Variants in LAT observed in about 807,000 individuals in gnomAD.
LAT encodes linker for activation of T cells.
LAT carries 12 observed loss-of-function variants against 39.1 expected under a neutral mutation model. The observed-to-expected ratio is 0.31, with a 90% confidence interval of 0.20 to 0.50. LAT has a LOEUF of 0.50. Ranked by LOEUF, LAT falls within the 20% of genes least tolerant of loss-of-function variation. The pLI is 0.98. For synonymous variants in LAT, 117 were observed against 123.8 expected (o/e 0.95, Z 0.36); for missense variants, 253 against 308.0 (o/e 0.82, Z 1.34).
chr16:28,987,607 C>T (rs1175208788), intron 8 of LAT: 4 of 152,420 alleles, frequency 2.6e-5, no homozygotes, highest in African/African-American at 9.7e-5. Context: ...ATATACTTGT[C>T]CTGGGCTATC....
In LAT at chr16:28,985,394, A is replaced by C; in HGVS notation, c.-24A>C. On this transcript the variant is annotated 5_prime_UTR_variant, in exon 1 of 12. Transcript: ENST00000395456. This position sits in a 1 kb window ranked among gnomAD's most constrained non-coding sequence, Gnocchi z 4.6. Reference sequence around the variant, plus strand: ...CCTTGAGGGGCCTAGGGGTGCAGCCAGCCTGCTCCGAGCTCCCCTGCAGAT... The same window carrying C: ...CCTTGAGGGGCCTAGGGGTGCAGCCCGCCTGCTCCGAGCTCCCCTGCAGAT... 6.2e-7 allele frequency: 1 copy of C among 1,612,748 alleles called. No homozygotes were observed. Among genetic ancestry groups the C allele is most frequent in the Non-Finnish European group, 8.5e-7 (1 of 1,179,778 alleles).
Position 28,986,093 on chromosome 16 carries a change from G to A in LAT, c.164-42G>A, listed in dbSNP as rs764217769. The A allele has an allele frequency of 1.6e-5, 24 of 1,517,134 alleles. No homozygotes were observed. Among genetic ancestry groups the A allele is most frequent in the Middle Eastern group, 1.7e-4 (1 of 5,720 alleles). 94.0% of individuals were successfully genotyped at this position (1,517,134 alleles called of 1,614,324 possible). A position where few individuals can be genotyped will look rare whatever the true frequency, so the allele number is the denominator to read the frequency against. ...TTAGTCTGTTCTTTGAGGCCTTGACGATGTCCGGAGTCCTTCTTTCAACTT... is the reference window on the plus strand; with the variant it reads ...TTAGTCTGTTCTTTGAGGCCTTGACAATGTCCGGAGTCCTTCTTTCAACTT... On this transcript the variant is annotated intron_variant, in intron 3 of 11. Transcript: ENST00000395456. This position sits in a 1 kb window ranked among gnomAD's most constrained non-coding sequence, Gnocchi z 5.7.
rs367684485 is a variant in LAT at position 28,985,396 on chromosome 16, C to T, written c.-22C>T. 3.0e-4 allele frequency: 476 copies of T among 1,612,758 alleles called. 5 individuals carry two copies. The South Asian group carries it at 4.9e-3, about 17-fold the overall frequency. ...TTGAGGGGCCTAGGGGTGCAGCCAGCCTGCTCCGAGCTCCCCTGCAGATGG... is the reference window on the plus strand; with the variant it reads ...TTGAGGGGCCTAGGGGTGCAGCCAGTCTGCTCCGAGCTCCCCTGCAGATGG... On this transcript the variant is annotated 5_prime_UTR_variant, in exon 1 of 12. Coordinates refer to ENST00000395456, the MANE Select transcript of LAT (RefSeq NM_001014987.2). The surrounding 1 kb of genome is among the most constrained non-coding windows in gnomAD (Gnocchi z 4.6).
At chr16:28,989,203 G>T in intron 8 of LAT, 1 of 275,114 alleles carries the variant, frequency 3.6e-6, no homozygotes, top group Non-Finnish European at 6.8e-6. Flanking sequence ...GCTCCGAGCC[G>T]CACTACATCC....
At chr16:28,985,042 G>A (rs1042921394), upstream of LAT, 23 of 1,427,430 alleles carry the variant, frequency 1.6e-5, no homozygotes, top group African/African-American at 2.9e-5. This position sits in a 1 kb window ranked among gnomAD's most constrained non-coding sequence, Gnocchi z 4.6. Flanking sequence ...GCCCTCGCCC[G>A]GCGCTCACCA....
At position 28,985,795 on chromosome 16, in the gene LAT, G is replaced by A; in HGVS notation, c.128+55G>A. Reference sequence around the variant, plus strand: ...CCTCCACACCCCATGGCGGGGCAGGGCTGGGGCTTCCATCCTCCATCTTCC... The same window carrying A: ...CCTCCACACCCCATGGCGGGGCAGGACTGGGGCTTCCATCCTCCATCTTCC... On this transcript the variant is annotated intron_variant, in intron 2 of 11. Transcript: ENST00000395456. This position sits in a 1 kb window ranked among gnomAD's most constrained non-coding sequence, Gnocchi z 4.6. The A allele has an allele frequency of 6.2e-7, 1 of 1,613,876 alleles. No homozygotes were observed. The highest frequency in any genetic ancestry group is 1.3e-5 in the African/African-American group (1 of 75,050).
rs115596085 is a variant in LAT at position 28,985,823 on chromosome 16, C to T, written c.129-31C>T. The T allele has an allele frequency of 1.1e-3, 1,720 of 1,614,068 alleles. 15 individuals carry two copies. In the African/African-American group the frequency reaches 0.021, roughly 20 times the overall value. On this transcript the variant is annotated intron_variant, in intron 2 of 11. Coordinates refer to ENST00000395456, the MANE Select transcript of LAT (RefSeq NM_001014987.2). The surrounding 1 kb of genome is among the most constrained non-coding windows in gnomAD (Gnocchi z 4.6). ...GGGGCTTCCATCCTCCATCTTCCAG[C>T]CCCATCCCCAAGCTGTGTCTCCTTT...
chr16:28,986,518 C>T lies in LAT; in HGVS notation c.311-22C>T, dbSNP rs1362792106. The T allele has an allele frequency of 6.2e-7, 1 of 1,609,000 alleles. No individual in the cohort carries two copies. Among genetic ancestry groups the T allele is most frequent in the Non-Finnish European group, 8.5e-7 (1 of 1,176,040 alleles). ...GGCCTGGCCTGAGCTGACTTAGTCTCCCTCTCACCCTCTCTTTGAAGCCAA... is the reference window on the plus strand; with the variant it reads ...GGCCTGGCCTGAGCTGACTTAGTCTTCCTCTCACCCTCTCTTTGAAGCCAA... On this transcript the variant is annotated intron_variant, in intron 5 of 11. Coordinates refer to ENST00000395456, the MANE Select transcript of LAT (RefSeq NM_001014987.2). This position sits in a 1 kb window ranked among gnomAD's most constrained non-coding sequence, Gnocchi z 5.7.
Position 28,986,016 on chromosome 16 carries a change from A to T in LAT, c.164-119A>T. The T allele has an allele frequency of 7.1e-7, 1 of 1,401,232 alleles. No individual in the cohort carries two copies. The highest frequency in any genetic ancestry group is 1.0e-6 in the Non-Finnish European group (1 of 988,924). The allele number at this position is 1,401,232 out of a possible 1,614,324, so 86.8% of individuals were successfully genotyped here. Reference sequence around the variant, plus strand: ...CCACATGGCCTTGACCTGAGCTGGGAGAGGGGAGATGGCTCCCCCAGGCCT... The same window carrying T: ...CCACATGGCCTTGACCTGAGCTGGGTGAGGGGAGATGGCTCCCCCAGGCCT... On this transcript the variant is annotated intron_variant, in intron 3 of 11. Transcript: ENST00000395456. This position sits in a 1 kb window ranked among gnomAD's most constrained non-coding sequence, Gnocchi z 5.7.
In LAT at chr16:28,989,581, C is replaced by T. The variant is rs138166678; in HGVS notation, c.548C>T (p.Ala183Val). ...NVPESGESAE[A>V]SLDGSREYVN... Reference sequence around the variant, plus strand: ...CCGGAGAGCGGGGAGAGCGCAGAAGCGTCTCTGGGTGAGTGACCGGTGCTT... The same window carrying T: ...CCGGAGAGCGGGGAGAGCGCAGAAGTGTCTCTGGGTGAGTGACCGGTGCTT... The change falls in exon 9 of 12, where the codon GCG (alanine) becomes GTG (valine). Residue 183 changes from alanine (A) to valine (V), a missense_variant. Coordinates refer to ENST00000395456, the MANE Select transcript of LAT (RefSeq NM_001014987.2). 141 of 1,610,404 alleles carry T rather than the reference C, an allele frequency of 8.8e-5. 2 individuals carry two copies. In the Middle Eastern group the frequency reaches 1.2e-3, roughly 13 times the overall value.
Position 28,986,030 on chromosome 16 carries a change from TC to T in LAT, c.164-100del. Reference sequence around the variant, plus strand: ...CCTGAGCTGGGAGAGGGGAGATGGCTCCCCCAGGCCTGTCCAGGGTGTGGGG... The same window carrying T: ...CCTGAGCTGGGAGAGGGGAGATGGCTCCCCAGGCCTGTCCAGGGTGTGGGG... On this transcript the variant is annotated intron_variant, in intron 3 of 11. Transcript: ENST00000395456. The surrounding 1 kb of genome is among the most constrained non-coding windows in gnomAD (Gnocchi z 5.7). The T allele has an allele frequency of 7.2e-7, 1 of 1,382,244 alleles. No homozygotes were observed. 85.6% of individuals were successfully genotyped at this position (1,382,244 alleles called of 1,614,324 possible).
chr16:28,985,556 A>T lies in LAT; in HGVS notation c.100+39A>T, dbSNP rs751592501. ...TGGTGGGGGTACCCAGGGCCCAGGG[A>T]CACCGACGGGATCCTCATCCACTCC... On this transcript the variant is annotated intron_variant, in intron 1 of 11. Coordinates refer to ENST00000395456, the MANE Select transcript of LAT (RefSeq NM_001014987.2). The surrounding 1 kb of genome is among the most constrained non-coding windows in gnomAD (Gnocchi z 4.6). 7 of 1,607,076 alleles carry T rather than the reference A, an allele frequency of 4.4e-6. No individual in the cohort carries two copies. The highest frequency in any genetic ancestry group is 1.7e-4 in the Middle Eastern group (1 of 6,050).
chr16:28,989,768 C>G lies in LAT; in HGVS notation c.557-6C>G, dbSNP rs1323484403. The G allele has an allele frequency of 1.9e-6, 3 of 1,613,996 alleles. No individual in the cohort carries two copies. The African/African-American group carries it at 4.0e-5, about 22-fold the overall frequency. ...GGCTGCCCCTCCTTCTGATCTGTCC[C>G]CACAGATGGCAGCCGGGAGTATGTG... On this transcript the variant is annotated splice_polypyrimidine_tract_variant and splice_region_variant and intron_variant, in intron 9 of 11. Coordinates refer to ENST00000395456, the MANE Select transcript of LAT (RefSeq NM_001014987.2).
rs1567530726 is a variant in LAT at position 28,985,807 on chromosome 16, A to AT, written c.129-46dup. 1 of 1,613,776 alleles carries AT rather than the reference A, an allele frequency of 6.2e-7. No individual in the cohort carries two copies. Among genetic ancestry groups the AT allele is most frequent in the Non-Finnish European group, 8.5e-7 (1 of 1,179,822 alleles). ...ATGGCGGGGCAGGGCTGGGGCTTCC[A>AT]TCCTCCATCTTCCAGCCCCATCCCC... On this transcript the variant is annotated intron_variant, in intron 2 of 11. Coordinates refer to ENST00000395456, the MANE Select transcript of LAT (RefSeq NM_001014987.2). This position sits in a 1 kb window ranked among gnomAD's most constrained non-coding sequence, Gnocchi z 4.6.
In LAT at chr16:28,986,286, C is replaced by T. The variant is rs924738604; in HGVS notation, c.245+70C>T. On this transcript the variant is annotated intron_variant, in intron 4 of 11. Coordinates refer to ENST00000395456, the MANE Select transcript of LAT (RefSeq NM_001014987.2). The surrounding 1 kb of genome is among the most constrained non-coding windows in gnomAD (Gnocchi z 5.7). ...CCCCTCCAAACTCCACTCTCTACCC[C>T]TTCACTTTTTTGGATTGGGGGCCCC... The T allele has an allele frequency of 1.3e-6, 2 of 1,564,260 alleles. No individual in the cohort carries two copies. The highest frequency in any genetic ancestry group is 8.8e-7 in the Non-Finnish European group (1 of 1,141,062).
intron 8 of LAT, chr16:28,989,126 G>A (rs1298129051): frequency 5.7e-6 from 1 of 176,298 alleles, no homozygotes; most frequent in Non-Finnish European, 1.2e-5. Flanking sequence ...ATGGGGGTCG[G>A]GGGGAGGAGG....
chr16:28,989,870 G>T, intron 10 of LAT, 31 bp downstream of exon 10: 1 of 1,613,960 alleles, frequency 6.2e-7, no homozygotes, highest in Non-Finnish European at 8.5e-7. Flanking sequence ...AGGAGCTGGG[G>T]TAGCTGCTTT....
At position 28,985,221 on chromosome 16, in the gene LAT, A is replaced by C. The variant is rs933152004; in HGVS notation, c.-197A>C. 9.1e-6 allele frequency: 13 copies of C among 1,433,464 alleles called. No individual in the cohort carries two copies. Among genetic ancestry groups the C allele is most frequent in the Non-Finnish European group, 1.2e-5 (13 of 1,098,438 alleles). The allele number at this position is 1,433,464 out of a possible 1,614,324, so 88.8% of individuals were successfully genotyped here. The stretch of plus-strand genomic sequence containing the variant: ...TCCACAGTCAGCTGGACGCACACTC[A>C]GCCCAGTAAAAGAGGGGACCCATCC... On this transcript the variant is annotated 5_prime_UTR_variant, in exon 1 of 12. Coordinates refer to ENST00000395456, the MANE Select transcript of LAT (RefSeq NM_001014987.2). The surrounding 1 kb of genome is among the most constrained non-coding windows in gnomAD (Gnocchi z 4.6).
chr16:28,986,503 G>A lies in LAT; in HGVS notation c.311-37G>A. The stretch of plus-strand genomic sequence containing the variant: ...GCTGGGAAGAAGATAGGCCTGGCCT[G>A]AGCTGACTTAGTCTCCCTCTCACCC... On this transcript the variant is annotated intron_variant, in intron 5 of 11. Coordinates refer to ENST00000395456, the MANE Select transcript of LAT (RefSeq NM_001014987.2). This position sits in a 1 kb window ranked among gnomAD's most constrained non-coding sequence, Gnocchi z 5.7. 3 of 1,611,418 alleles carry A rather than the reference G, an allele frequency of 1.9e-6. No homozygotes were observed. The highest frequency in any genetic ancestry group is 2.5e-6 in the Non-Finnish European group (3 of 1,177,962).
Sources: gnomAD v4.1 joint callset for allele counts on GRCh38, gnomAD v4.1.1 for gene constraint, Gnocchi (gnomAD v3.1) non-coding constraint, MANE v1.5 for transcripts, NCBI Gene and HGNC (gene_info 2026-07-23, HGNC 2026-07-21) for gene names.